The following ADAMTS12 variants were observed in gnomAD, a reference collection of about 807,000 sequenced individuals.
ADAMTS12 encodes the protein A disintegrin and metalloproteinase with thrombospondin motifs 12.
ADAMTS12 carries 118 observed loss-of-function variants against 167.8 expected under a neutral mutation model. That is an observed-to-expected ratio of 0.70 (90% CI 0.61 to 0.82). The LOEUF is 0.82. Among genes scored for constraint, ADAMTS12 ranks in the 40% least tolerant of loss-of-function variants. ADAMTS12 has a pLI of 0.00. For missense variants in ADAMTS12, 1,916 were observed against 1,998.8 expected (o/e 0.96, Z 0.79); for synonymous variants, 704 against 716.9 (o/e 0.98, Z 0.29).
chr5:33,586,580 TAAG>T (rs1341964535), intron 18 of ADAMTS12, among the ~76,000 whole-genome samples: 7 of 152,338 alleles, frequency 4.6e-5, no homozygotes, highest in African/African-American at 1.4e-4. Flanking sequence ...GTGAACACAT[TAAG>T]AAGAACTCCT....
chr5:33,649,807 C>T, intron 7 of ADAMTS12, 110 bp from the exon 8 acceptor site: 2 of 1,369,098 alleles, frequency 1.5e-6, no homozygotes, highest in South Asian at 1.5e-5. Context: ...CACGTTTGTA[C>T]AGAAGGCAAC....
At chr5:33,855,989 C>T (rs2111668344) in intron 2 of ADAMTS12, among the ~76,000 whole-genome samples, 1 of 152,270 alleles carries the variant, frequency 6.6e-6, no homozygotes, top group Admixed American at 6.5e-5. Flanking sequence ...GCCTCAGCCT[C>T]CCAAAGTGCT....
intron 2 of ADAMTS12, among the ~76,000 whole-genome samples, chr5:33,783,798 C>T (rs1272992159): frequency 6.6e-6 from 1 of 151,876 alleles, no homozygotes; most frequent in Non-Finnish European, 1.5e-5. Context: ...AAAATAATAT[C>T]AGTCCTACAC....
chr5:33,811,714 C>T (rs1435845154), intron 2 of ADAMTS12, among the ~76,000 whole-genome samples: 1 of 152,174 alleles, frequency 6.6e-6, no homozygotes, highest in African/African-American at 2.4e-5. Context: ...CATAAAATGC[C>T]TTGTGTTTTG....
intron 2 of ADAMTS12, among the ~76,000 whole-genome samples, chr5:33,879,110 C>G (rs1490325647): frequency 1.3e-5 from 2 of 152,152 alleles, no homozygotes; most frequent in Non-Finnish European, 2.9e-5. Context: ...GGCTGCACAA[C>G]TCTGAACACA....
chr5:33,821,089 G>A (rs1205839119), intron 2 of ADAMTS12, among the ~76,000 whole-genome samples: 1 of 152,112 alleles, frequency 6.6e-6, no homozygotes, highest in Non-Finnish European at 1.5e-5. Flanking sequence ...GTCTACCTGT[G>A]TAACAAACCT....
At chr5:33,642,778 G>A (rs978941442) in intron 10 of ADAMTS12, among the ~76,000 whole-genome samples, 6 of 152,000 alleles carry the variant, frequency 3.9e-5, no homozygotes, top group South Asian at 2.1e-4. Flanking sequence ...TATTTTGCCC[G>A]GGTTCTGTAA....
chr5:33,826,382 A>G (rs1417816139), intron 2 of ADAMTS12, among the ~76,000 whole-genome samples: 1 of 152,214 alleles, frequency 6.6e-6, no homozygotes, highest in East Asian at 1.9e-4. Context: ...AAAAATAGTA[A>G]TATTAATACT....
At chr5:33,587,914 T>C (rs542145477) in intron 18 of ADAMTS12, among the ~76,000 whole-genome samples, 1 of 152,294 alleles carries the variant, frequency 6.6e-6, no homozygotes, top group Admixed American at 6.5e-5. Context: ...CTTGGAGACT[T>C]TGGGGCCTTC....
In ADAMTS12 at chr5:33,576,292, G is replaced by A; in HGVS notation, c.3734C>T (p.Ala1245Val). 1 of 1,614,196 alleles carries A rather than the reference G, an allele frequency of 6.2e-7. No homozygotes were observed. The highest frequency in any genetic ancestry group is 8.5e-7 in the Non-Finnish European group (1 of 1,180,038). Reference sequence around the variant, plus strand: ...TCCTCCCAGAGGGAGCAGAGTGTTGGCTGGCTTTTCAGTAACCATCCCCTC... The same window carrying A: ...TCCTCCCAGAGGGAGCAGAGTGTTGACTGGCTTTTCAGTAACCATCCCCTC... Reference protein sequence around the residue: ...RVEGMVTEKPANTLLPLGGDH... With the variant: ...RVEGMVTEKPVNTLLPLGGDH... Residue 1245 changes from alanine (A) to valine (V), a missense_variant, in exon 19 of 24, where the codon GCC (alanine) becomes GTC (valine). By Grantham distance (64) the Ala-to-Val change is moderately conservative (BLOSUM62 0). Coordinates refer to ENST00000504830, the MANE Select transcript of ADAMTS12 (RefSeq NM_030955.4).
At chr5:33,792,384 GTAACT>G (rs1746611122) in intron 2 of ADAMTS12, among the ~76,000 whole-genome samples, 2 of 152,194 alleles carry the variant, frequency 1.3e-5, no homozygotes, top group African/African-American at 4.8e-5. Flanking sequence ...TGCATGTCAC[GTAACT>G]GGCTCCCCTA....
chr5:33,701,407 A>G (rs1338040232), intron 3 of ADAMTS12, among the ~76,000 whole-genome samples: 1 of 152,132 alleles, frequency 6.6e-6, no homozygotes, highest in Non-Finnish European at 1.5e-5. Context: ...AGTGAATTCC[A>G]TCTGCACTCA....
intron 1 of ADAMTS12, among the ~76,000 whole-genome samples, chr5:33,888,961 C>T (rs1458477032): frequency 6.6e-6 from 1 of 152,276 alleles, no homozygotes; most frequent in Non-Finnish European, 1.5e-5. Context: ...CTCCTTCCAA[C>T]GACTAAAATC....
chr5:33,629,428 T>TA (rs1739814909), intron 13 of ADAMTS12, among the ~76,000 whole-genome samples: 1 of 152,214 alleles, frequency 6.6e-6, no homozygotes, highest in Non-Finnish European at 1.5e-5. Context: ...GAGTTCATTT[T>TA]ACACCAGGGC....
At chr5:33,711,394 T>G (rs1743398369) in intron 3 of ADAMTS12, among the ~76,000 whole-genome samples, 1 of 152,172 alleles carries the variant, frequency 6.6e-6, no homozygotes, top group Non-Finnish European at 1.5e-5. Flanking sequence ...TCAATTATTA[T>G]TTTGAAACAC....
chr5:33,719,073 T>C (rs1191819824), intron 3 of ADAMTS12, among the ~76,000 whole-genome samples: 1 of 152,154 alleles, frequency 6.6e-6, no homozygotes, highest in African/African-American at 2.4e-5. Context: ...CTCACAGCCC[T>C]GTGAGATGGG....
At chr5:33,678,166 C>T (rs543911480) in intron 5 of ADAMTS12, among the ~76,000 whole-genome samples, 8 of 152,316 alleles carry the variant, frequency 5.3e-5, no homozygotes, top group Admixed American at 1.3e-4. Context: ...TCTCTAACTC[C>T]ATTTGTTGGT....
chr5:33,534,469 A>G (rs2111750215), intron 23 of ADAMTS12, among the ~76,000 whole-genome samples: 1 of 152,320 alleles, frequency 6.6e-6, no homozygotes, highest in East Asian at 1.9e-4. Context: ...TGACCATTTC[A>G]CACTTGACTG....
intron 1 of ADAMTS12, among the ~76,000 whole-genome samples, chr5:33,889,129 T>C (rs1163373870): frequency 6.6e-6 from 1 of 152,156 alleles, no homozygotes; most frequent in African/African-American, 2.4e-5. Context: ...ACTGATGCCC[T>C]AGACCTCCCA....
Sources: allele counts gnomAD v4.1 joint callset (sites outside exome capture counted in the v4.1 genomes callset), GRCh38; gene constraint gnomAD v4.1.1; transcripts MANE v1.5; gene names NCBI Gene and HGNC (gene_info 2026-07-23, HGNC 2026-07-21).